PHACTR3: variants seen among roughly 807,000 people sequenced by gnomAD.
PHACTR3 encodes the protein protein phosphatase 1, regulatory subunit 123.
A neutral mutation model predicts 66.8 loss-of-function variants in PHACTR3; 16 were observed. The ratio of observed to expected loss-of-function variants is 0.24; its 90% CI spans 0.16 to 0.36. The LOEUF (loss-of-function observed/expected upper bound fraction) is 0.36. PHACTR3 is among the 10% of genes least tolerant of loss of function. PHACTR3 has a pLI of 1.00. For synonymous variants in PHACTR3, 323 were observed against 292.1 expected, an observed-to-expected ratio of 1.11 and a Z score of -1.08; for missense variants, 647 against 719.9, an observed-to-expected ratio of 0.90 and a Z score of 1.16.
At chr20:59,593,837 C>G (rs866046373) in intron 1 of PHACTR3, among the ~76,000 whole-genome samples, 18 of 152,180 alleles carry the variant, frequency 1.2e-4, no homozygotes, top group Admixed American at 5.2e-4. Context: ...TTCCTGAGCT[C>G]CCTATTCAAT....
intron 1 of PHACTR3, among the ~76,000 whole-genome samples, chr20:59,664,016 T>C (rs1379907617): frequency 6.6e-6 from 1 of 152,242 alleles, no homozygotes; most frequent in Non-Finnish European, 1.5e-5. Flanking sequence ...TATTGACAAC[T>C]GCTTGTTTTC....
intron 1 of PHACTR3, among the ~76,000 whole-genome samples, chr20:59,671,205 C>T (rs1247140719): frequency 6.6e-6 from 1 of 152,148 alleles, no homozygotes; most frequent in Admixed American, 6.5e-5. Context: ...TTCCTTGGGC[C>T]TTGGTGAAGT....
intron 8 of PHACTR3, among the ~76,000 whole-genome samples, chr20:59,825,490 C>T (rs904401523): frequency 6.6e-6 from 1 of 152,186 alleles, no homozygotes; most frequent in African/African-American, 2.4e-5. Flanking sequence ...TATCACGGAC[C>T]AGGCTTGGTT....
intron 7 of PHACTR3, among the ~76,000 whole-genome samples, chr20:59,797,550 T>C (rs1383066407): frequency 6.6e-6 from 1 of 152,164 alleles, no homozygotes; most frequent in East Asian, 1.9e-4. Flanking sequence ...TTGCCCTTTG[T>C]TCCAGGTGGG....
chr20:59,595,124 T>A (rs527981253), intron 1 of PHACTR3, among the ~76,000 whole-genome samples: 3 of 152,256 alleles, frequency 2.0e-5, no homozygotes, highest in Non-Finnish European at 2.9e-5. Context: ...ATTTCTAGTT[T>A]AATTTCACTG....
At chr20:59,770,004 T>G (rs761815574) in intron 5 of PHACTR3, among the ~76,000 whole-genome samples, 9 of 152,246 alleles carry the variant, frequency 5.9e-5, no homozygotes, top group Non-Finnish European at 1.2e-4. Context: ...CTCATTTTAT[T>G]CTGGCGAATG....
At chr20:59,774,111 A>G (rs374640344) in intron 6 of PHACTR3, 132 bp from the exon 7 acceptor site, 24 of 1,169,434 alleles carry the variant, frequency 2.1e-5, no homozygotes, top group East Asian at 1.9e-4. Context: ...TGGTGTGTCC[A>G]GGATAAAAAC....
chr20:59,687,545 T>G (rs908459026), intron 1 of PHACTR3, among the ~76,000 whole-genome samples: 1 of 152,174 alleles, frequency 6.6e-6, no homozygotes, highest in African/African-American at 2.4e-5. Flanking sequence ...GAGAGGATCA[T>G]GATTTCCCAG....
chr20:59,748,146 TAGC>T (rs1258643914), intron 3 of PHACTR3, among the ~76,000 whole-genome samples: 3 of 152,202 alleles, frequency 2.0e-5, no homozygotes, highest in Admixed American at 6.5e-5. Context: ...TTTAAAGTGG[TAGC>T]AGTGGTTTTT....
intron 1 of PHACTR3, among the ~76,000 whole-genome samples, chr20:59,652,616 T>G (rs1267084526): frequency 1.3e-5 from 2 of 152,218 alleles, no homozygotes; most frequent in Non-Finnish European, 2.9e-5. Context: ...ATAATTTCCA[T>G]TAGATTCTTT....
chr20:59,617,198 C>T (rs902099112), intron 1 of PHACTR3, among the ~76,000 whole-genome samples: 6 of 152,030 alleles, frequency 3.9e-5, no homozygotes, highest in South Asian at 2.1e-4. Context: ...CTCTTGGGTA[C>T]GTGATAGTGA....
At chr20:59,674,518 G>T (rs2036330511) in intron 1 of PHACTR3, among the ~76,000 whole-genome samples, 1 of 92,150 alleles carries the variant, frequency 1.1e-5, no homozygotes, top group Non-Finnish European at 1.9e-5. Flanking sequence ...CCCTTCTCCT[G>T]TCCCCGCTTC....
At chr20:59,810,164 TGA>T (rs2041693074) in intron 8 of PHACTR3, among the ~76,000 whole-genome samples, 1 of 152,148 alleles carries the variant, frequency 6.6e-6, no homozygotes, top group African/African-American at 2.4e-5. Flanking sequence ...GGGCTTGGAA[TGA>T]GAGATGCCTG....
At chr20:59,788,837 G>T (rs2041005070) in intron 7 of PHACTR3, among the ~76,000 whole-genome samples, 1 of 152,094 alleles carries the variant, frequency 6.6e-6, no homozygotes, top group Admixed American at 6.5e-5. Flanking sequence ...TCAAAGCCCA[G>T]GCAGTCCCCT....
At chr20:59,651,413 T>A (rs1180740329) in intron 1 of PHACTR3, among the ~76,000 whole-genome samples, 1 of 152,138 alleles carries the variant, frequency 6.6e-6, no homozygotes, top group African/African-American at 2.4e-5. Context: ...AATATAAAAA[T>A]AGAACATTTA....
chr20:59,743,713 C>T (rs1347645981), intron 2 of PHACTR3, among the ~76,000 whole-genome samples: 2 of 152,224 alleles, frequency 1.3e-5, no homozygotes, highest in Admixed American at 1.3e-4. Context: ...GATGCTGGGG[C>T]CTGGGTCGTA....
At chr20:59,723,364 G>C (rs146275902) in intron 1 of PHACTR3, among the ~76,000 whole-genome samples, 2 of 151,980 alleles carry the variant, frequency 1.3e-5, no homozygotes, top group Admixed American at 6.6e-5. Context: ...AAATAGGATC[G>C]TACAGTGTGG....
At chr20:59,704,628 A>T (rs1601145560) in intron 1 of PHACTR3, among the ~76,000 whole-genome samples, 1 of 99,080 alleles carries the variant, frequency 1.0e-5, no homozygotes, top group African/African-American at 4.0e-5. Context: ...CCCATTTTTT[A>T]CATTATACTA....
intron 1 of PHACTR3, among the ~76,000 whole-genome samples, chr20:59,731,041 A>T (rs537405444): frequency 2.6e-5 from 4 of 152,320 alleles, no homozygotes; most frequent in Admixed American, 2.0e-4. Flanking sequence ...TAGAGTAGAC[A>T]CAGTTTTTAA....
Sources: gnomAD v4.1 joint callset for allele counts (sites outside exome capture counted in the v4.1 genomes callset) on GRCh38, gnomAD v4.1.1 for gene constraint, MANE v1.5 for transcripts, NCBI Gene and HGNC (gene_info 2026-07-23, HGNC 2026-07-21) for gene names.